ADGRE5: variants seen among roughly 807,000 people sequenced by gnomAD.
The protein encoded by ADGRE5 is CD97 molecule.
Under a neutral mutation model 100.3 loss-of-function variants are expected in ADGRE5, and 72 were observed. The observed-to-expected ratio is 0.72, with a 90% CI of 0.59 to 0.87. The LOEUF (loss-of-function observed/expected upper bound fraction) is 0.87, where lower values mean the gene tolerates loss of function less well. ADGRE5 is among the 40% of genes least tolerant of loss of function. ADGRE5 has a pLI of 0.00. For synonymous variants in ADGRE5, 439 were observed against 447.8 expected, an observed-to-expected ratio of 0.98 and a Z score of 0.25; for missense variants, 959 against 1,094.7, an observed-to-expected ratio of 0.88 and a Z score of 1.75.
chr19:14,397,058 C>A lies in ADGRE5; in HGVS notation c.479-19C>A, dbSNP rs1445617822. 6.2e-7 allele frequency: 1 copy of A among 1,607,950 alleles called. No homozygotes were observed. Among genetic ancestry groups the A allele is most frequent in the South Asian group, 1.1e-5 (1 of 90,174 alleles). The stretch of plus-strand genomic sequence containing the variant: ...AGGCTGGTCAGGGACAGGGTTTGAC[C>A]CTCTGGCTTTGTCCTCAGATGTGAA... On this transcript the variant is annotated intron_variant, in intron 5 of 19. Transcript: ENST00000242786.
rs758516153 is a variant in ADGRE5, at chr19:14,401,541, C to G, written c.1053C>G (p.Thr351=). ...LAKSLPKGPF[T]YISPSNTELT... ...AGAGCCTGCCTAAAGGCCCCTTCACCTACATTTCCCCTTCGAACACAGGTG... is the reference window on the plus strand; with the variant it reads ...AGAGCCTGCCTAAAGGCCCCTTCACGTACATTTCCCCTTCGAACACAGGTG... The change falls in exon 10 of 20, where the codon ACC becomes ACG. Residue 351 remains threonine (T), a synonymous_variant. Coordinates refer to ENST00000242786, the MANE Select transcript of ADGRE5 (RefSeq NM_078481.4). This position sits in a 1 kb window ranked among gnomAD's most constrained non-coding sequence, Gnocchi z 4.1. 1 of 1,614,064 alleles carries G rather than the reference C, an allele frequency of 6.2e-7. No individual in the cohort carries two copies. Among genetic ancestry groups the G allele is most frequent in the Non-Finnish European group, 8.5e-7 (1 of 1,180,028 alleles).
intron 3 of ADGRE5, among the ~76,000 whole-genome samples, chr19:14,389,506 A>G (rs67334436): frequency 0.54 from 79,708 of 146,400 alleles, 23,309 homozygotes; most frequent in African/African-American, 0.77. Context: ...GCCGAGGTGG[A>G]CAGATCACTT....
chr19:14,393,845 G>A (rs1975684892), intron 4 of ADGRE5, among the ~76,000 whole-genome samples: 2 of 152,194 alleles, frequency 1.3e-5, no homozygotes, highest in African/African-American at 4.8e-5. Flanking sequence ...ACATGCATGT[G>A]ACTTGGCCAG....
chr19:14,381,606 C>T (rs1975157747), intron 1 of ADGRE5, 61 bp downstream of exon 1: 3 of 1,556,888 alleles, frequency 1.9e-6, no homozygotes, highest in South Asian at 1.2e-5. Context: ...CCCTTGGCTG[C>T]GTCTGAGAAA....
intron 1 of ADGRE5, among the ~76,000 whole-genome samples, chr19:14,384,502 A>G (rs963654938): frequency 1.3e-5 from 2 of 151,080 alleles, no homozygotes; most frequent in African/African-American, 4.9e-5. Flanking sequence ...TCTGCCCGAC[A>G]CCCCCCTTCA....
Position 14,407,054 on chromosome 19 carries a change from C to T in ADGRE5, c.2208-7C>T, listed in dbSNP as rs1976284267. ...GGGGGCCCACGCTGCAACCCCGCTC[C>T]TCGCAGGGCGCTGACCATCACGGCC... is the stretch of plus-strand genomic sequence containing the variant. On this transcript the variant is annotated splice_polypyrimidine_tract_variant and splice_region_variant and intron_variant, in intron 17 of 19. Transcript: ENST00000242786. 1.9e-6 allele frequency: 3 copies of T among 1,614,028 alleles called. No individual in the cohort carries two copies. Among genetic ancestry groups the T allele is most frequent in the Admixed American group, 1.7e-5 (1 of 60,030 alleles).
In ADGRE5 at chr19:14,406,310, C is replaced by T. The variant is rs773158788; in HGVS notation, c.1822-21C>T. 3 of 1,530,092 alleles carry T rather than the reference C, an allele frequency of 2.0e-6. No homozygotes were observed. Among genetic ancestry groups the T allele is most frequent in the East Asian group, 2.4e-5 (1 of 41,096 alleles). The allele number at this position is 1,530,092 out of a possible 1,614,324, so 94.8% of individuals were successfully genotyped here. A position where few individuals can be genotyped will look rare whatever the true frequency, so the allele number is the denominator to read the frequency against. ...CCTCCCCGCGCTGACGTCGCTCCGC[C>T]CCTCCGTCCCCGCCCCGCAGGTGGG... On this transcript the variant is annotated intron_variant, in intron 14 of 19. Coordinates refer to ENST00000242786, the MANE Select transcript of ADGRE5 (RefSeq NM_078481.4). The surrounding 1 kb of genome is among the most constrained non-coding windows in gnomAD (Gnocchi z 6.0).
chr19:14,406,286 C>T lies in ADGRE5; in HGVS notation c.1822-45C>T. The T allele has an allele frequency of 6.9e-7, 1 of 1,441,046 alleles. No homozygotes were observed. Among genetic ancestry groups the T allele is most frequent in the Non-Finnish European group, 9.4e-7 (1 of 1,067,198 alleles). 89.3% of individuals were successfully genotyped at this position (1,441,046 alleles called of 1,614,324 possible). On this transcript the variant is annotated intron_variant, in intron 14 of 19. Coordinates refer to ENST00000242786, the MANE Select transcript of ADGRE5 (RefSeq NM_078481.4). This position sits in a 1 kb window ranked among gnomAD's most constrained non-coding sequence, Gnocchi z 6.0. The stretch of plus-strand genomic sequence containing the variant: ...CGACTGGCTCTGGCGCCGCATGCCC[C>T]TCCCCGCGCTGACGTCGCTCCGCCC...
chr19:14,406,465 G>T lies in ADGRE5; in HGVS notation c.1956G>T (p.Thr652=), dbSNP rs1318617736. ...TGTTCCAAGGCCAGGGCCTGAGTAC[G>T]CGCTGGCTCTGCCTGATCGGCTATG... The part of the protein sequence containing the change: ...VRVFQGQGLS[T]RWLCLIGYGV... The change falls in exon 15 of 20, where the codon ACG becomes ACT. Residue 652 remains threonine, a synonymous_variant. Coordinates refer to ENST00000242786, the MANE Select transcript of ADGRE5 (RefSeq NM_078481.4). This position sits in a 1 kb window ranked among gnomAD's most constrained non-coding sequence, Gnocchi z 6.0. 3.2e-6 allele frequency: 5 copies of T among 1,569,700 alleles called. No homozygotes were observed. Among genetic ancestry groups the T allele is most frequent in the Middle Eastern group, 1.7e-4 (1 of 5,964 alleles).
At chr19:14,402,205 T>C (rs1225691368) in intron 11 of ADGRE5, among the ~76,000 whole-genome samples, 1 of 150,112 alleles carries the variant, frequency 6.7e-6, no homozygotes, top group East Asian at 2.0e-4. Flanking sequence ...CAGGCTGAGG[T>C]AGATGGATCA....
At chr19:14,394,667 G>T (rs1270485138) in intron 4 of ADGRE5, among the ~76,000 whole-genome samples, 1 of 152,114 alleles carries the variant, frequency 6.6e-6, no homozygotes, top group Non-Finnish European at 1.5e-5. Flanking sequence ...CATCGCCGGG[G>T]ACTGCCAGGA....
intron 1 of ADGRE5, among the ~76,000 whole-genome samples, chr19:14,385,001 A>ATTCT (rs1975290922): frequency 2.5e-5 from 1 of 40,218 alleles, no homozygotes; most frequent in Non-Finnish European, 5.2e-5. Flanking sequence ...TTTTTTTGAG[A>ATTCT]CTCTTGCTCT....
chr19:14,387,850 A>G (rs965710206), intron 1 of ADGRE5, among the ~76,000 whole-genome samples: 2 of 151,964 alleles, frequency 1.3e-5, no homozygotes, highest in Non-Finnish European at 1.5e-5. Flanking sequence ...CAAGACAGGC[A>G]GATCACCTGA....
rs527297030 is a variant in ADGRE5 at position 14,393,348 on chromosome 19, G to T, written c.346+2269G>T. Among the ~76,000 whole-genome samples the T allele has an allele frequency of 9.3e-4, 141 of 152,344 alleles. 1 individual carries two copies. The highest frequency in any genetic ancestry group is 2.6e-4 in the Non-Finnish European group (18 of 68,028). On this transcript the variant is annotated intron_variant, in intron 4 of 19. Coordinates refer to ENST00000242786, the MANE Select transcript of ADGRE5 (RefSeq NM_078481.4). ...TGCGAGATCAGAGAGCAGCTGCAAG[G>T]CTCTACCCCTGCGCAGAGGCCACAG...
intron 9 of ADGRE5, among the ~76,000 whole-genome samples, chr19:14,400,921 G>C (rs552183297): frequency 6.6e-6 from 1 of 152,016 alleles, no homozygotes; most frequent in Non-Finnish European, 1.5e-5. Context: ...CTCCAGCCTG[G>C]GTGACAAGAG....
At chr19:14,398,972 G>C (rs923189714) in intron 9 of ADGRE5, among the ~76,000 whole-genome samples, 4 of 151,588 alleles carry the variant, frequency 2.6e-5, no homozygotes, top group African/African-American at 9.7e-5. Context: ...CTCCCAAGTA[G>C]CTGGGACCAA....
At chr19:14,398,642 T>C (rs28433652) in intron 9 of ADGRE5, among the ~76,000 whole-genome samples, 54 of 132,604 alleles carry the variant, frequency 4.1e-4, no homozygotes, top group Middle Eastern at 8.9e-3. Flanking sequence ...GCAGCTGCAC[T>C]GCAGCCTGGG....
Position 14,406,995 on chromosome 19 carries a change from GC to G in ADGRE5, c.2207+37del. 1.9e-6 allele frequency: 3 copies of G among 1,613,716 alleles called. No individual in the cohort carries two copies. Among genetic ancestry groups the G allele is most frequent in the Non-Finnish European group, 2.5e-6 (3 of 1,179,628 alleles). Reference sequence around the variant, plus strand: ...GAGGCTGGAAGGACTTGGAGGCGGGGCCGGGGTGAGGGGCATGAAGCTGGAG... The same window carrying G: ...GAGGCTGGAAGGACTTGGAGGCGGGGCGGGGTGAGGGGCATGAAGCTGGAG... On this transcript the variant is annotated intron_variant, in intron 17 of 19. Transcript: ENST00000242786. This position sits in a 1 kb window ranked among gnomAD's most constrained non-coding sequence, Gnocchi z 6.0.
Position 14,408,249 on chromosome 19 carries a change from C to T in ADGRE5, c.*128C>T. 1 of 1,083,208 alleles carries T rather than the reference C, an allele frequency of 9.2e-7. No individual in the cohort carries two copies. Among genetic ancestry groups the T allele is most frequent in the Non-Finnish European group, 1.4e-6 (1 of 726,064 alleles). 67.1% of individuals were successfully genotyped at this position (1,083,208 alleles called of 1,614,324 possible). A position where few individuals can be genotyped will look rare whatever the true frequency, so the allele number is the denominator to read the frequency against. The stretch of plus-strand genomic sequence containing the variant: ...CTCCCTCCCTGATCCCGTGTGCCAC[C>T]AGGAGGGAGTGGCAGCTATAGTCTG... On this transcript the variant is annotated 3_prime_UTR_variant, in exon 20 of 20. Transcript: ENST00000242786.
Sources: allele counts gnomAD v4.1 joint callset (sites outside exome capture counted in the v4.1 genomes callset), GRCh38; gene constraint gnomAD v4.1.1; non-coding constraint Gnocchi (gnomAD v3.1); transcripts MANE v1.5; gene names NCBI Gene and HGNC (gene_info 2026-07-23, HGNC 2026-07-21).